The following FOXN3 variants were observed in gnomAD, a reference collection of about 807,000 sequenced individuals.
FOXN3 encodes forkhead box protein N3.
A neutral mutation model predicts 38.4 loss-of-function variants in FOXN3; 7 were observed. The observed-to-expected ratio is 0.18, with a 90% CI of 0.10 to 0.34. The LOEUF is 0.34. Among genes scored for constraint, FOXN3 ranks in the 10% least tolerant of loss-of-function variants. The pLI is 1.00. For synonymous variants in FOXN3, 230 were observed against 242.2 expected (o/e 0.95, Z 0.47); for missense variants, 456 against 613.4 (o/e 0.74, Z 2.71).
In FOXN3 at chr14:89,367,718, C is replaced by T. The variant is rs548282775; in HGVS notation, c.544-16910G>A. Among the ~76,000 whole-genome samples, 16 of 152,208 alleles carry T rather than the reference C, an allele frequency of 1.1e-4. No homozygotes were observed. The South Asian group carries it at 3.3e-3, about 32-fold the overall frequency. On this transcript the variant is annotated intron_variant, in intron 2 of 5. Transcript: ENST00000557258. ...AACAAACAGAATCTACCCAGAAAGA[C>T]CAACTGACCTGGCCCCTGGGAACAG...
At chr14:89,590,354 T>C (rs2139924763) in intron 1 of FOXN3, among the ~76,000 whole-genome samples, 1 of 151,604 alleles carries the variant, frequency 6.6e-6, no homozygotes, top group Admixed American at 6.6e-5. Context: ...AAAGATGGAG[T>C]AATTTCTGGA....
chr14:89,553,238 C>CA (rs146581490), intron 1 of FOXN3, among the ~76,000 whole-genome samples: 2,554 of 78,838 alleles, frequency 0.032, 56 homozygotes, highest in African/African-American at 0.077. Context: ...GACCCTGTCC[C>CA]AAAAAAAAAA....
rs532441109 is a variant in FOXN3 at position 89,610,555 on chromosome 14, G to A, written c.-15+8473C>T. 1.2e-4 allele frequency among the ~76,000 whole-genome samples: 18 copies of A among 152,332 alleles called. No homozygotes were observed. In the South Asian group the frequency reaches 3.1e-3, roughly 26 times the overall value. ...CATCCACCCTTCAATCCCCCTTGCA[G>A]GGTCTGTTTCTAAATTAAAACCAAA... On this transcript the variant is annotated intron_variant, in intron 1 of 6. Coordinates refer to the FOXN3 transcript ENST00000345097.
intron 3 of FOXN3, among the ~76,000 whole-genome samples, chr14:89,299,240 G>A (rs1887144542): frequency 6.6e-6 from 1 of 152,192 alleles, no homozygotes; most frequent in South Asian, 2.1e-4. Flanking sequence ...GAATCATGGG[G>A]GCGGTTTCCC....
chr14:89,172,648 C>T (rs1887420210), intron 5 of FOXN3, among the ~76,000 whole-genome samples: 1 of 152,036 alleles, frequency 6.6e-6, no homozygotes, highest in South Asian at 2.1e-4. Flanking sequence ...TGTGGTATTG[C>T]CATGGTACAG....
intron 3 of FOXN3, among the ~76,000 whole-genome samples, chr14:89,342,348 T>C (rs1168767963): frequency 6.6e-6 from 1 of 152,154 alleles, no homozygotes; most frequent in Non-Finnish European, 1.5e-5. Flanking sequence ...ACAGGGACTG[T>C]TTTCCATTTA....
chr14:89,219,635 G>A (rs1884399257), intron 4 of FOXN3, among the ~76,000 whole-genome samples: 1 of 152,090 alleles, frequency 6.6e-6, no homozygotes, highest in Non-Finnish European at 1.5e-5. Flanking sequence ...AGTACAACTT[G>A]GGGCAATTTG....
intron 1 of FOXN3, among the ~76,000 whole-genome samples, chr14:89,494,648 A>G (rs887234125): frequency 1.3e-5 from 2 of 152,256 alleles, no homozygotes; most frequent in African/African-American, 4.8e-5. Flanking sequence ...GTACCTTCTC[A>G]GTTCTCTGAA....
At chr14:89,174,812 C>G (rs117052551) in intron 5 of FOXN3, among the ~76,000 whole-genome samples, 60 of 152,254 alleles carry the variant, frequency 3.9e-4, no homozygotes, top group Non-Finnish European at 6.8e-4. Context: ...AAACCTAGCT[C>G]TTTAGTATTT....
chr14:89,291,099 T>C (rs1886857758), intron 3 of FOXN3: 2 of 511,562 alleles, frequency 3.9e-6, no homozygotes, highest in East Asian at 1.1e-4. Flanking sequence ...TTTGTAGCCC[T>C]TTAAGACCCT....
At chr14:89,338,950 T>C (rs1052576444) in intron 3 of FOXN3, among the ~76,000 whole-genome samples, 1 of 152,198 alleles carries the variant, frequency 6.6e-6, no homozygotes, top group Non-Finnish European at 1.5e-5. Context: ...ATTTGGTACA[T>C]CATTTTACTT....
At chr14:89,491,339 C>T (rs377136917) in intron 1 of FOXN3, among the ~76,000 whole-genome samples, 34 of 152,210 alleles carry the variant, frequency 2.2e-4, no homozygotes, top group African/African-American at 7.9e-4. Context: ...GTTAAGTGAA[C>T]GCGGAGGATG....
chr14:89,484,833 T>C lies in FOXN3; in HGVS notation c.-14-72343A>G, dbSNP rs1404037139. Among the ~76,000 whole-genome samples, 13 of 152,110 alleles carry C rather than the reference T, an allele frequency of 8.5e-5. No individual in the cohort carries two copies. The highest frequency in any genetic ancestry group is 1.4e-4 in the African/African-American group (6 of 41,424). Reference sequence around the variant, plus strand: ...CGGGGTCTCCACTGACAACTCTCAGTAGCACCTTTAAGACCCAGGACAGGC... The same window carrying C: ...CGGGGTCTCCACTGACAACTCTCAGCAGCACCTTTAAGACCCAGGACAGGC... On this transcript the variant is annotated intron_variant, in intron 1 of 6. Transcript: ENST00000345097. This position sits in a 1 kb window ranked among gnomAD's most constrained non-coding sequence, Gnocchi z 4.0.
chr14:89,561,486 AC>A (rs1264566577), intron 1 of FOXN3, among the ~76,000 whole-genome samples: 3 of 152,254 alleles, frequency 2.0e-5, no homozygotes, highest in Non-Finnish European at 4.4e-5. Flanking sequence ...TGCTGGGATT[AC>A]AGGCGTGAGC....
chr14:89,491,140 TG>T lies in FOXN3; in HGVS notation c.-14-78651del, dbSNP rs1199491514. Among the ~76,000 whole-genome samples the T allele has an allele frequency of 2.5e-4, 30 of 121,010 alleles. No homozygotes were observed. The South Asian group carries it at 5.9e-3, about 24-fold the overall frequency. The allele number at this position is 121,010 out of a possible 152,430, so 79.4% of individuals were successfully genotyped here. ...ACCACACCTGGCTAATTTTGTTTTT[TG>T]TTTTTTTTTTTTTAAGTAGAGACGG... On this transcript the variant is annotated intron_variant, in intron 1 of 6. Coordinates refer to the FOXN3 transcript ENST00000345097.
At chr14:89,227,960 G>A (rs931001748) in intron 4 of FOXN3, among the ~76,000 whole-genome samples, 3 of 152,140 alleles carry the variant, frequency 2.0e-5, no homozygotes, top group South Asian at 2.1e-4. Context: ...GGCTGGTCTT[G>A]AACTCCGGGC....
intron 3 of FOXN3, among the ~76,000 whole-genome samples, chr14:89,343,954 G>A (rs1480749742): frequency 2.0e-5 from 3 of 152,200 alleles, no homozygotes; most frequent in Non-Finnish European, 4.4e-5. Context: ...TAGAGATGGG[G>A]TTTCACCACG....
At chr14:89,575,688 T>C (rs1030968439) in intron 1 of FOXN3, among the ~76,000 whole-genome samples, 5 of 152,216 alleles carry the variant, frequency 3.3e-5, no homozygotes, top group African/African-American at 1.2e-4. Context: ...TGGCATCTCT[T>C]GAATCAAAAT....
chr14:89,512,351 T>G (rs1488692389), intron 1 of FOXN3, among the ~76,000 whole-genome samples: 1 of 152,208 alleles, frequency 6.6e-6, no homozygotes, highest in Non-Finnish European at 1.5e-5. Context: ...GAGAGGGGCT[T>G]TATAGAAAGA....
Sources: allele counts gnomAD v4.1 joint callset (sites outside exome capture counted in the v4.1 genomes callset), GRCh38; gene constraint gnomAD v4.1.1; non-coding constraint Gnocchi (gnomAD v3.1); transcripts MANE v1.5; gene names NCBI Gene and HGNC (gene_info 2026-07-23, HGNC 2026-07-21).